Variants in DNAH6 observed in about 807,000 individuals in gnomAD.
The protein encoded by DNAH6 is axonemal beta dynein heavy chain 6.
Under a neutral mutation model 491.4 loss-of-function variants are expected in DNAH6, and 340 were observed. The observed-to-expected ratio is 0.69, with a 90% CI of 0.63 to 0.76. The LOEUF is 0.76. DNAH6 is among the 30% of genes least tolerant of loss of function. The probability of loss-of-function intolerance (pLI) is 0.00; values close to 1 mark genes in which losing one functional copy is unlikely to be tolerated. For synonymous variants in DNAH6, 1,603 were observed against 1,686.1 expected, an observed-to-expected ratio of 0.95 and a Z score of 1.21; for missense variants, 4,443 against 4,972.2, an observed-to-expected ratio of 0.89 and a Z score of 3.20.
At chr2:84,706,835 T>C in intron 52 of DNAH6, 61 bp from the exon 53 acceptor site, 1 of 1,502,066 alleles carries the variant, frequency 6.7e-7, no homozygotes, top group Admixed American at 2.9e-5. Context: ...ATCTGTATTA[T>C]TAATGGGCAA....
At position 84,640,542 on chromosome 2, in the gene DNAH6, G is replaced by T. The variant is rs771287098; in HGVS notation, c.4934G>T (p.Gly1645Val). 6 of 1,550,898 alleles carry T rather than the reference G, an allele frequency of 3.9e-6. No homozygotes were observed. The highest frequency in any genetic ancestry group is 5.2e-6 in the Non-Finnish European group (6 of 1,146,556). Residue 1645 changes from glycine (G) to valine (V), a missense_variant, in exon 32 of 77, where the codon GGC becomes GTC. Transcript: ENST00000389394. ...QLSQQDHYDF[G>V]MRAVKSVLVM... The stretch of plus-strand genomic sequence containing the variant: ...TCTCAGCAGGATCACTACGACTTTG[G>T]CATGAGAGCTGTGAAGTCTGTCCTG...
At chr2:84,655,151 A>C (rs2104573487) in intron 35 of DNAH6, among the ~76,000 whole-genome samples, 1 of 152,270 alleles carries the variant, frequency 6.6e-6, no homozygotes, top group Admixed American at 6.6e-5. Context: ...AGCAAAATGA[A>C]GAAAAAGAAT....
At position 84,701,263 on chromosome 2, in the gene DNAH6, C is replaced by T. The variant is rs778179094; in HGVS notation, c.7985C>T (p.Thr2662Met). The change falls in exon 49 of 77, where the codon ACG becomes ATG. Residue 2662 changes from threonine (T) to methionine (M), a missense_variant. Thr to Met is a moderately conservative substitution (Grantham distance 81). Around this residue, in one of 3 missense-constraint regions of DNAH6, gnomAD observed 2,977 missense variants for 3,296.6 expected, o/e 0.90. Transcript: ENST00000389394. ...YYNELRRRYYTTPTSYLELIN... is the reference protein window; with the variant it reads ...YYNELRRRYYMTPTSYLELIN... ...AATGAGCTGCGCAGGCGGTACTACA[C>T]GACACCCACCTCCTACCTGGAGCTT... The T allele has an allele frequency of 4.4e-5, 69 of 1,551,732 alleles. No homozygotes were observed. The highest frequency in any genetic ancestry group is 5.8e-5 in the Non-Finnish European group (66 of 1,147,028).
the DNAH6 span, among the ~76,000 whole-genome samples, chr2:84,507,741 A>G: frequency 2.0e-5 from 3 of 152,202 alleles, no homozygotes; most frequent in Non-Finnish European, 1.5e-5. Flanking sequence ...GATACGTCCC[A>G]TCAATACCTA....
rs1428373410 is a variant in DNAH6, at chr2:84,584,066, T to G, written c.2297T>G (p.Val766Gly). The stretch of plus-strand genomic sequence containing the variant: ...TACAAGCTTATGGAACAATATCAGG[T>G]GCCCACACCTCCTGAAGACTTTGCT... Reference protein sequence around the residue: ...QMYKLMEQYQVPTPPEDFAVF... With the variant: ...QMYKLMEQYQGPTPPEDFAVF... The change falls in exon 15 of 77, where the codon GTG becomes GGG. Residue 766 changes from valine (V) to glycine (G), a missense_variant. Transcript: ENST00000389394. The G allele has an allele frequency of 6.2e-7, 1 of 1,614,100 alleles. No individual in the cohort carries two copies. Among genetic ancestry groups the G allele is most frequent in the Admixed American group, 1.7e-5 (1 of 60,028 alleles).
chr2:84,475,271 G>A, the DNAH6 span, among the ~76,000 whole-genome samples: 1 of 152,182 alleles, frequency 6.6e-6, no homozygotes, highest in Non-Finnish European at 1.5e-5. Context: ...GCCTGCTGAG[G>A]CAGGGGACAA....
chr2:84,721,871 A>G (rs1446345857), intron 59 of DNAH6, among the ~76,000 whole-genome samples: 1 of 152,126 alleles, frequency 6.6e-6, no homozygotes, highest in Non-Finnish European at 1.5e-5. Flanking sequence ...AGAGAAAAGG[A>G]TTTCCCAACC....
Position 84,582,300 on chromosome 2 carries a change from G to C in DNAH6, c.2230-1699G>C, listed in dbSNP as rs568106649. Among the ~76,000 whole-genome samples, 19 of 152,276 alleles carry C rather than the reference G, an allele frequency of 1.2e-4. 2 individuals are homozygous for C. In the South Asian group the frequency reaches 3.9e-3, roughly 32 times the overall value. On this transcript the variant is annotated intron_variant, in intron 14 of 76. Transcript: ENST00000389394. ...CTATTCTAGAACCGTGGTTCTCAAA[G>C]GGGGACTCCAGATCAGCAGCAGCAG...
chr2:84,519,084 G>C (rs907670216), intron 2 of DNAH6, among the ~76,000 whole-genome samples: 10 of 152,010 alleles, frequency 6.6e-5, no homozygotes, highest in Non-Finnish European at 1.0e-4. Flanking sequence ...CTATGGTAGA[G>C]ACTCAGAAGA....
At chr2:84,506,181 T>C in the DNAH6 span, among the ~76,000 whole-genome samples, 3 of 152,206 alleles carry the variant, frequency 2.0e-5, no homozygotes, top group Non-Finnish European at 4.4e-5. Flanking sequence ...ACCAACAGTG[T>C]AAAAGTGTTC....
At chr2:84,723,099 G>A (rs1698317675) in intron 60 of DNAH6, among the ~76,000 whole-genome samples, 1 of 152,030 alleles carries the variant, frequency 6.6e-6, no homozygotes, top group South Asian at 2.1e-4. Flanking sequence ...GTGGTGGCAG[G>A]TGCCTGTAAT....
chr2:84,664,407 T>C (rs1217883359), intron 37 of DNAH6, among the ~76,000 whole-genome samples: 5 of 151,936 alleles, frequency 3.3e-5, no homozygotes, highest in Non-Finnish European at 1.5e-5. Context: ...CAGGAAGATC[T>C]ACCAAGCAAA....
rs1021954070 is a variant in DNAH6, at chr2:84,812,451, C to T, written c.11850C>T (p.Ser3950=). 2.6e-6 allele frequency: 4 copies of T among 1,551,660 alleles called. No individual in the cohort carries two copies. Among genetic ancestry groups the T allele is most frequent in the Admixed American group, 3.9e-5 (2 of 51,004 alleles). Residue 3950 remains serine (S), a synonymous_variant, in exon 73 of 77, where the codon TCC becomes TCT. Coordinates refer to ENST00000389394, the MANE Select transcript of DNAH6 (RefSeq NM_001370.2). Reference sequence around the variant, plus strand: ...ACAACCAGGTTCCCGCTCTGTGGTCCAACACAGCCTACCCATCCCTGAAGC... The same window carrying T: ...ACAACCAGGTTCCCGCTCTGTGGTCTAACACAGCCTACCCATCCCTGAAGC... ...FLNNQVPALW[S]NTAYPSLKPL... is the part of the protein sequence containing the mutation.
intron 11 of DNAH6, among the ~76,000 whole-genome samples, chr2:84,571,779 C>G (rs1194345550): frequency 6.7e-6 from 1 of 149,960 alleles, no homozygotes; most frequent in Non-Finnish European, 1.5e-5. Flanking sequence ...AAAAAATTAG[C>G]GTGGTGGCGG....
At chr2:84,621,603 G>GTT in intron 26 of DNAH6, 52 bp downstream of exon 26, 3 of 1,145,660 alleles carry the variant, frequency 2.6e-6, no homozygotes, top group South Asian at 1.7e-5. Context: ...GTCTTGGTGG[G>GTT]TTTTTTTTTA....
chr2:84,637,120 A>G, intron 30 of DNAH6, 90 bp from the exon 31 acceptor site: 1 of 1,149,994 alleles, frequency 8.7e-7, no homozygotes, highest in Non-Finnish European at 1.2e-6. Flanking sequence ...TTAGTGCTTC[A>G]TTACATGAGT....
chr2:84,595,587 A>G (rs2104179704), intron 17 of DNAH6, 59 bp from the exon 18 acceptor site: 2 of 1,442,148 alleles, frequency 1.4e-6, no homozygotes, highest in Non-Finnish European at 1.8e-6. Context: ...TTAGTATTTC[A>G]AACCTGACTT....
chr2:84,812,910 T>C (rs1467722384), intron 73 of DNAH6, 148 bp from the exon 74 acceptor site: 1 of 656,232 alleles, frequency 1.5e-6, no homozygotes, highest in Non-Finnish European at 2.7e-6. Flanking sequence ...GGAAGGGGAA[T>C]GCGGCAGGCA....
rs1687682411 is a variant in DNAH6, at chr2:84,624,553, T to C, written c.4286T>C (p.Leu1429Pro). The C allele has an allele frequency of 6.4e-7, 1 of 1,551,716 alleles. No individual in the cohort carries two copies. Among genetic ancestry groups the C allele is most frequent in the Non-Finnish European group, 8.7e-7 (1 of 1,146,948 alleles). ...DLDNCVARMA[L>P]SQYTYGYEYL... ...GATAATTGTGTGGCTAGAATGGCGC[T>C]CTCTCAGTACACTTATGGCTATGAA... Residue 1429 changes from leucine (L) to proline (P), a missense_variant, in exon 28 of 77, where the codon CTC (leucine) becomes CCC (proline). This residue lies in a region of DNAH6 where 2,977 missense variants were observed against 3,296.6 expected (regional missense o/e 0.90). Transcript: ENST00000389394.
Sources: allele counts gnomAD v4.1 joint callset (sites outside exome capture counted in the v4.1 genomes callset), GRCh38; gene constraint gnomAD v4.1.1; regional missense constraint gnomAD v4.1.1; transcripts MANE v1.5; gene names NCBI Gene and HGNC (gene_info 2026-07-23, HGNC 2026-07-21).